The following GIN1 variants were observed in gnomAD, a reference collection of about 807,000 sequenced individuals.
GIN1 encodes gypsy retrotransposon integrase-like protein 1.
Under a neutral mutation model 51.4 loss-of-function variants are expected in GIN1, and 41 were observed. The observed-to-expected ratio is 0.80, with a 90% CI of 0.62 to 1.04. The LOEUF (loss-of-function observed/expected upper bound fraction) is 1.04, where lower values mean the gene tolerates loss of function less well. Among genes scored for constraint, GIN1 ranks in the 50% least tolerant of loss-of-function variants. The probability of loss-of-function intolerance (pLI) is 0.00; values close to 1 mark genes in which losing one functional copy is unlikely to be tolerated. For synonymous variants in GIN1, 222 were observed against 206.5 expected, an observed-to-expected ratio of 1.07 and a Z score of -0.64; for missense variants, 610 against 612.4, an observed-to-expected ratio of 1.00 and a Z score of 0.04.
At chr5:103,092,374 A>G (rs1554194634) in intron 7 of GIN1, among the ~76,000 whole-genome samples, 4 of 152,164 alleles carry the variant, frequency 2.6e-5, no homozygotes, top group African/African-American at 9.7e-5. Flanking sequence ...AGAAAAATAA[A>G]TACAAATTAC....
Position 103,093,281 on chromosome 5 carries a change from A to C in GIN1, c.1294+3260T>G, listed in dbSNP as rs140659438. 2.2e-3 allele frequency among the ~76,000 whole-genome samples: 341 copies of C among 152,312 alleles called. 2 individuals carry two copies. The highest frequency in any genetic ancestry group is 3.4e-3 in the Middle Eastern group (1 of 294). ...ATCCTGGACTTTTTGGGCAGGGCCA[A>C]GGTCAAGGGTCCTCAAATATAGAAG... is the stretch of plus-strand genomic sequence containing the variant. On this transcript the variant is annotated intron_variant, in intron 7 of 7. Transcript: ENST00000399004.
intron 1 of GIN1, among the ~76,000 whole-genome samples, chr5:103,109,046 G>A (rs782457457): frequency 2.6e-5 from 4 of 152,042 alleles, no homozygotes; most frequent in Non-Finnish European, 5.9e-5. Flanking sequence ...CAACTGAAAT[G>A]TTACATTCAC....
At chr5:103,093,484 T>A (rs34808) in intron 7 of GIN1, among the ~76,000 whole-genome samples, 36,156 of 152,108 alleles carry the variant, frequency 0.24, 5,066 homozygotes, top group East Asian at 0.45. Context: ...ACAGTGCCAA[T>A]ACCTTGATTT....
intron 3 of GIN1, among the ~76,000 whole-genome samples, chr5:103,105,931 A>G (rs538262944): frequency 6.6e-6 from 1 of 152,314 alleles, no homozygotes; most frequent in South Asian, 2.1e-4. Flanking sequence ...AAAATATATA[A>G]ATTATGAAGG....
rs1026157485 is a variant in GIN1 at position 103,086,862 on chromosome 5, T to C, written c.*1036A>G. On this transcript the variant is annotated 3_prime_UTR_variant, in exon 8 of 8. Coordinates refer to ENST00000399004, the MANE Select transcript of GIN1 (RefSeq NM_017676.2). Reference sequence around the variant, plus strand: ...TTTCATAGTGCTTTAGAATAAATATTTATTGAACAATATTTATTTTATATT... The same window carrying C: ...TTTCATAGTGCTTTAGAATAAATATCTATTGAACAATATTTATTTTATATT... 3.9e-5 allele frequency: 6 copies of C among 152,246 alleles called. No individual in the cohort carries two copies. Among genetic ancestry groups the C allele is most frequent in the Admixed American group, 6.5e-5 (1 of 15,284 alleles). The allele number at this position is 152,246 out of a possible 1,614,324, so 9.4% of individuals were successfully genotyped here.
Position 103,087,730 on chromosome 5 carries a change from T to C in GIN1, c.*168A>G, listed in dbSNP as rs890349438. ...CCTTTGCCTTCATATGTACGTATAC[T>C]GATATTCAAATGTGGCATAATTTTA... On this transcript the variant is annotated 3_prime_UTR_variant, in exon 8 of 8. Coordinates refer to ENST00000399004, the MANE Select transcript of GIN1 (RefSeq NM_017676.2). The C allele has an allele frequency of 4.1e-6, 2 of 492,736 alleles. No individual in the cohort carries two copies. Among genetic ancestry groups the C allele is most frequent in the African/African-American group, 2.0e-5 (1 of 50,584 alleles). The allele number at this position is 492,736 out of a possible 1,614,324, so 30.5% of individuals were successfully genotyped here.
At chr5:103,099,194 G>A (rs1787495222) in intron 4 of GIN1, among the ~76,000 whole-genome samples, 1 of 152,072 alleles carries the variant, frequency 6.6e-6, no homozygotes, top group African/African-American at 2.4e-5. Context: ...CATAATTCTA[G>A]CCAAAAAGTT....
At chr5:103,101,656 T>G (rs1554195811) in intron 4 of GIN1, among the ~76,000 whole-genome samples, 1 of 152,250 alleles carries the variant, frequency 6.6e-6, no homozygotes, top group Non-Finnish European at 1.5e-5. Flanking sequence ...TGGTGAATGC[T>G]AGATGATATC....
At chr5:103,108,086 G>A (rs1787775608) in intron 2 of GIN1, among the ~76,000 whole-genome samples, 1 of 152,012 alleles carries the variant, frequency 6.6e-6, no homozygotes, top group East Asian at 1.9e-4. Flanking sequence ...AAGATCCAAG[G>A]GTCCTAAAAT....
chr5:103,107,045 T>C (rs782258592), intron 2 of GIN1, 136 bp from the exon 3 acceptor site: 40 of 562,966 alleles, frequency 7.1e-5, no homozygotes, highest in Non-Finnish European at 1.1e-4. Flanking sequence ...TAAAACAGAA[T>C]ATTTATTTTT....
At chr5:103,096,907 G>T in intron 6 of GIN1, 81 bp from the exon 7 acceptor site, 1 of 840,324 alleles carries the variant, frequency 1.2e-6, no homozygotes, top group Non-Finnish European at 1.9e-6. Context: ...TGAGAATATT[G>T]TAACAAAATG....
rs904565381 is a variant in GIN1 at position 103,110,203 on chromosome 5, A to C, written c.-7-1489T>G. Among the ~76,000 whole-genome samples the C allele has an allele frequency of 1.6e-3, 240 of 152,116 alleles. 1 individual carries two copies. The highest frequency in any genetic ancestry group is 5.1e-3 in the African/African-American group (212 of 41,546). On this transcript the variant is annotated intron_variant, in intron 1 of 7. Transcript: ENST00000399004. ...CAAAGATTTCTTAAATAAGACACAA[A>C]AAAAAAACACTATCCTTAAAAGAAA...
At position 103,097,475 on chromosome 5, in the gene GIN1, T is replaced by C. The variant is rs375806379; in HGVS notation, c.847A>G (p.Thr283Ala). 9.1e-6 allele frequency: 14 copies of C among 1,546,114 alleles called. No individual in the cohort carries two copies. The highest frequency in any genetic ancestry group is 1.4e-5 in the African/African-American group (1 of 72,640). The change falls in exon 6 of 8, where the codon ACA becomes GCA. Residue 283 changes from threonine to alanine, a missense_variant. Coordinates refer to ENST00000399004, the MANE Select transcript of GIN1 (RefSeq NM_017676.2). ...CGACTAAACATTTGAAAATATGGTG[T>C]ATTTTTAGTAGGTTCCTATTTTAAA... ...NVTHLEPTKNTPYFQMFSRNP... is the reference protein window; with the variant it reads ...NVTHLEPTKNAPYFQMFSRNP...
At chr5:103,111,284 G>C (rs1462238153) in intron 1 of GIN1, among the ~76,000 whole-genome samples, 1 of 151,950 alleles carries the variant, frequency 6.6e-6, no homozygotes, top group African/African-American at 2.4e-5. Context: ...ACAGAAACCT[G>C]TCCCTTCTCA....
intron 7 of GIN1, among the ~76,000 whole-genome samples, chr5:103,090,578 G>A (rs1787210721): frequency 1.3e-5 from 2 of 152,162 alleles, no homozygotes; most frequent in African/African-American, 4.8e-5. Flanking sequence ...AGTTATCAGT[G>A]ATGGCAGTTA....
At chr5:103,092,549 A>G (rs1258276376) in intron 7 of GIN1, among the ~76,000 whole-genome samples, 4 of 152,190 alleles carry the variant, frequency 2.6e-5, no homozygotes, top group Non-Finnish European at 4.4e-5. Flanking sequence ...CCATACTAGT[A>G]TATCCTTTCT....
intron 1 of GIN1, among the ~76,000 whole-genome samples, chr5:103,118,019 TGAG>T (rs1191080353): frequency 2.0e-5 from 3 of 152,142 alleles, no homozygotes; most frequent in Non-Finnish European, 2.9e-5. Flanking sequence ...AGATTATAAA[TGAG>T]GAATGGAAAG....
At chr5:103,111,601 G>A (rs461609) in intron 1 of GIN1, among the ~76,000 whole-genome samples, 36,966 of 151,846 alleles carry the variant, frequency 0.24, 5,094 homozygotes, top group East Asian at 0.45. Flanking sequence ...TTTCAGGCCT[G>A]TAAAAGCCCA....
chr5:103,116,525 G>A (rs556035672), intron 1 of GIN1, among the ~76,000 whole-genome samples: 4 of 152,020 alleles, frequency 2.6e-5, no homozygotes, highest in Admixed American at 6.6e-5. Context: ...ACAACTTCTC[G>A]AAGACAACAA....
Sources: gnomAD v4.1 joint callset for allele counts (sites outside exome capture counted in the v4.1 genomes callset) on GRCh38, gnomAD v4.1.1 for gene constraint, MANE v1.5 for transcripts, NCBI Gene and HGNC (gene_info 2026-07-23, HGNC 2026-07-21) for gene names.